PRPF38A: variants seen among roughly 807,000 people sequenced by gnomAD.
The protein encoded by PRPF38A is pre-mRNA processing factor 38A.
Under a neutral mutation model 46.8 loss-of-function variants are expected in PRPF38A, and 11 were observed. The ratio of observed to expected loss-of-function variants is 0.24; its 90% CI spans 0.15 to 0.39. PRPF38A has a LOEUF of 0.39. Among genes scored for constraint, PRPF38A ranks in the 10% least tolerant of loss-of-function variants. The probability of loss-of-function intolerance (pLI) is 1.00; values close to 1 mark genes in which losing one functional copy is unlikely to be tolerated. For synonymous variants in PRPF38A, 124 were observed against 136.2 expected, an observed-to-expected ratio of 0.91 and a Z score of 0.62; for missense variants, 261 against 407.5, an observed-to-expected ratio of 0.64 and a Z score of 3.10.
At chr1:52,405,365 G>A (rs1647949108) in intron 1 of PRPF38A, among the ~76,000 whole-genome samples, 1 of 152,220 alleles carries the variant, frequency 6.6e-6, no homozygotes, top group African/African-American at 2.4e-5. Flanking sequence ...GTGACAATCT[G>A]TGGACCTTGA....
At chr1:52,408,110 G>A (rs990478454) in intron 2 of PRPF38A, among the ~76,000 whole-genome samples, 23 of 151,438 alleles carry the variant, frequency 1.5e-4, no homozygotes, top group African/African-American at 4.9e-4. Flanking sequence ...GCATGGTGGC[G>A]GGCGCCTGTA....
chr1:52,414,100 A>G lies in PRPF38A; in HGVS notation c.722+109A>G, dbSNP rs576911059. 30 of 678,330 alleles carry G rather than the reference A, an allele frequency of 4.4e-5. No homozygotes were observed. The African/African-American group carries it at 4.9e-4, about 11-fold the overall frequency. 42.0% of individuals were successfully genotyped at this position (678,330 alleles called of 1,614,324 possible). A position where few individuals can be genotyped will look rare whatever the true frequency, so the allele number is the denominator to read the frequency against. On this transcript the variant is annotated intron_variant, in intron 6 of 9. Transcript: ENST00000257181. ...CGTCTATGGAGAATGTTTGCCCAATATATTAGTTATCTGTTGCTGCAAAAC... is the reference window on the plus strand; with the variant it reads ...CGTCTATGGAGAATGTTTGCCCAATGTATTAGTTATCTGTTGCTGCAAAAC...
intron 1 of PRPF38A, 59 bp downstream of exon 1, chr1:52,404,938 A>G: frequency 6.3e-7 from 1 of 1,591,990 alleles, no homozygotes; most frequent in South Asian, 1.1e-5. Context: ...CTCCTGACCG[A>G]GCGCGGGTAG....
At chr1:52,416,314 CTTTT>C (rs757059288) in intron 9 of PRPF38A, among the ~76,000 whole-genome samples, 2 of 142,150 alleles carry the variant, frequency 1.4e-5, no homozygotes, top group African/African-American at 5.1e-5. Flanking sequence ...CTCAGGACTC[CTTTT>C]TTTTTTTTGA....
intron 7 of PRPF38A, 48 bp downstream of exon 7, chr1:52,414,695 G>C (rs1410002735): frequency 6.2e-7 from 1 of 1,613,242 alleles, no homozygotes; most frequent in Non-Finnish European, 8.5e-7. Context: ...TGGGGAGGGG[G>C]TGGTGGTATT....
At position 52,417,566 on chromosome 1, in the gene PRPF38A, G is replaced by A. The variant is rs1401285282; in HGVS notation, c.*876G>A. On this transcript the variant is annotated 3_prime_UTR_variant, in exon 10 of 10. Transcript: ENST00000257181. ...GGCAGAGAATTAGAGGATGGTGGTAGTAATGAAAATGATGCATTCAGTTTA... is the reference window on the plus strand; with the variant it reads ...GGCAGAGAATTAGAGGATGGTGGTAATAATGAAAATGATGCATTCAGTTTA... 1 of 152,206 alleles carries A rather than the reference G, an allele frequency of 6.6e-6. No homozygotes were observed. The highest frequency in any genetic ancestry group is 2.4e-5 in the African/African-American group (1 of 41,446). The allele number at this position is 152,206 out of a possible 1,614,324, so 9.4% of individuals were successfully genotyped here.
intron 4 of PRPF38A, 40 bp downstream of exon 4, chr1:52,411,240 T>G: frequency 6.9e-7 from 1 of 1,439,656 alleles, no homozygotes; most frequent in Non-Finnish European, 9.8e-7. Flanking sequence ...ACCCTTCTCT[T>G]CCTAGACGGG....
intron 9 of PRPF38A, among the ~76,000 whole-genome samples, 194 bp from the exon 10 acceptor site, chr1:52,416,454 G>T (rs1184167304): frequency 6.6e-6 from 1 of 151,934 alleles, no homozygotes; most frequent in Non-Finnish European, 1.5e-5. Context: ...GATTACAGGT[G>T]CCCGCCGCCA....
chr1:52,415,291 T>TTA, intron 8 of PRPF38A, 47 bp from the exon 9 acceptor site: 1 of 1,587,148 alleles, frequency 6.3e-7, no homozygotes, highest in Non-Finnish European at 8.6e-7. Context: ...GACAGTTTAA[T>TTA]AAGAGTAGAA....
rs567423800 is a variant in PRPF38A at position 52,417,155 on chromosome 1, A to T, written c.*465A>T. The T allele has an allele frequency of 6.2e-6, 1 of 161,332 alleles. No individual in the cohort carries two copies. Among genetic ancestry groups the T allele is most frequent in the Admixed American group, 6.0e-5 (1 of 16,788 alleles). The allele number at this position is 161,332 out of a possible 1,614,324, so 10.0% of individuals were successfully genotyped here. On this transcript the variant is annotated 3_prime_UTR_variant, in exon 10 of 10. Coordinates refer to ENST00000257181, the MANE Select transcript of PRPF38A (RefSeq NM_032864.4). ...TCCTAACTTTTTTCCAGCAGCAGCA[A>T]GTGGTAATAAACATGAAAACTGGTT...
chr1:52,414,776 G>A lies in PRPF38A; in HGVS notation c.764G>A (p.Arg255Gln), dbSNP rs754763649. 12 of 1,613,990 alleles carry A rather than the reference G, an allele frequency of 7.4e-6. No individual in the cohort carries two copies. Among genetic ancestry groups the A allele is most frequent in the Admixed American group, 5.0e-5 (3 of 59,992 alleles). ...SPKRRSPSPRRERHRSKSPRR... is the reference protein window; with the variant it reads ...SPKRRSPSPRQERHRSKSPRR... The stretch of plus-strand genomic sequence containing the variant: ...CTTTTCTACAGCCCCTCCCCTCGCC[G>A]AGAAAGGCATCGGAGCAAGAGTCCA... The change falls in exon 8 of 10, where the codon CGA (arginine) becomes CAA (glutamine). Residue 255 changes from arginine (R) to glutamine (Q), a missense_variant. By Grantham distance (43) the Arg-to-Gln change is conservative. Coordinates refer to ENST00000257181, the MANE Select transcript of PRPF38A (RefSeq NM_032864.4).
intron 8 of PRPF38A, among the ~76,000 whole-genome samples, 167 bp from the exon 9 acceptor site, chr1:52,415,171 T>G (rs1648253993): frequency 6.6e-6 from 1 of 152,224 alleles, no homozygotes; most frequent in African/African-American, 2.4e-5. Context: ...ATTACTACTT[T>G]CTTTGCTCCC....
rs1349017007 is a variant in PRPF38A at position 52,417,297 on chromosome 1, C to T, written c.*607C>T. The T allele has an allele frequency of 6.6e-6, 1 of 152,454 alleles. No homozygotes were observed. The allele number at this position is 152,454 out of a possible 1,614,324, so 9.4% of individuals were successfully genotyped here. A position where few individuals can be genotyped will look rare whatever the true frequency, so the allele number is the denominator to read the frequency against. ...AGCACTTAATACCCTTTATACAGCC[C>T]ATTTTTTCATAGTTTCATTTGTTCT... On this transcript the variant is annotated 3_prime_UTR_variant, in exon 10 of 10. Transcript: ENST00000257181.
At position 52,420,278 on chromosome 1, in the gene PRPF38A, C is replaced by T. The variant is rs1284767898; in HGVS notation, c.*3588C>T. The T allele has an allele frequency of 1.3e-5, 2 of 152,098 alleles. No homozygotes were observed. Among genetic ancestry groups the T allele is most frequent in the Non-Finnish European group, 2.9e-5 (2 of 68,008 alleles). The allele number at this position is 152,098 out of a possible 1,614,324, so 9.4% of individuals were successfully genotyped here. ...AAATTCAACTAAAGAAGAAATGAAT[C>T]AAATTAAGGACTTAGGAACAAAGAA... On this transcript the variant is annotated 3_prime_UTR_variant, in exon 10 of 10. Transcript: ENST00000257181.
chr1:52,413,897 C>T lies in PRPF38A; in HGVS notation c.628C>T (p.Pro210Ser). 1 of 1,613,426 alleles carries T rather than the reference C, an allele frequency of 6.2e-7. No homozygotes were observed. Among genetic ancestry groups the T allele is most frequent in the Non-Finnish European group, 8.5e-7 (1 of 1,179,486 alleles). ...TTTCCAGTTGGAAAGAGTGCCATCACCTGATCACCGCCGGAGAAGCTACCG... is the reference window on the plus strand; with the variant it reads ...TTTCCAGTTGGAAAGAGTGCCATCATCTGATCACCGCCGGAGAAGCTACCG... ...EDEKLERVPSPDHRRRSYRDL... is the reference protein window; with the variant it reads ...EDEKLERVPSSDHRRRSYRDL... Residue 210 changes from proline to serine, a missense_variant, in exon 6 of 10, where the codon CCT becomes TCT. Transcript: ENST00000257181.
chr1:52,416,314 C>CTT (rs757059288), intron 9 of PRPF38A, among the ~76,000 whole-genome samples: 4 of 142,186 alleles, frequency 2.8e-5, no homozygotes, highest in African/African-American at 7.7e-5. Flanking sequence ...CTCAGGACTC[C>CTT]TTTTTTTTTT....
chr1:52,415,820 G>T (rs923609214), intron 9 of PRPF38A, among the ~76,000 whole-genome samples: 2 of 136,944 alleles, frequency 1.5e-5, no homozygotes, highest in Non-Finnish European at 3.1e-5. Context: ...GCCATATACC[G>T]TTGGGTGCAC....
In PRPF38A at chr1:52,419,713, A is replaced by G. The variant is rs1648414720; in HGVS notation, c.*3023A>G. On this transcript the variant is annotated 3_prime_UTR_variant, in exon 10 of 10. Coordinates refer to ENST00000257181, the MANE Select transcript of PRPF38A (RefSeq NM_032864.4). ...AGAAAATAGGCTGGAGGAAATAAAA[A>G]ATGGAAAAGAGAAATATGTAGAATA... is the stretch of plus-strand genomic sequence containing the variant. 6.6e-6 allele frequency: 1 copy of G among 152,238 alleles called. No individual in the cohort carries two copies. Among genetic ancestry groups the G allele is most frequent in the South Asian group, 2.1e-4 (1 of 4,834 alleles). The allele number at this position is 152,238 out of a possible 1,614,324, so 9.4% of individuals were successfully genotyped here.
Position 52,404,810 on chromosome 1 carries a change from G to A in PRPF38A, c.61G>A (p.Val21Met). The change falls in exon 1 of 10, where the codon GTG (valine) becomes ATG (methionine). Residue 21 changes from valine to methionine, a missense_variant. By Grantham distance (21) the Val-to-Met change is conservative. Transcript: ENST00000257181. ...SIHGTNPQYL[V>M]EKIIRTRIYE... ...CCATGGCACCAACCCTCAATATCTG[G>A]TGGAGAAGATCATTCGAACGCGAAT... 6.2e-7 allele frequency: 1 copy of A among 1,614,222 alleles called. No homozygotes were observed. The highest frequency in any genetic ancestry group is 8.5e-7 in the Non-Finnish European group (1 of 1,180,024).
Sources: allele counts gnomAD v4.1 joint callset (sites outside exome capture counted in the v4.1 genomes callset), GRCh38; gene constraint gnomAD v4.1.1; transcripts MANE v1.5; gene names NCBI Gene and HGNC (gene_info 2026-07-23, HGNC 2026-07-21).